Variants in SYT16 observed in about 807,000 individuals in gnomAD.
SYT16 encodes synaptotagmin 16.
SYT16 carries 42 observed loss-of-function variants against 61.4 expected under a neutral mutation model. The ratio of observed to expected loss-of-function variants is 0.68; its 90% CI spans 0.53 to 0.89. The LOEUF is 0.89. Ranked by LOEUF, SYT16 falls within the 40% of genes least tolerant of loss-of-function variation. The probability of loss-of-function intolerance (pLI) is 0.00; values close to 1 mark genes in which losing one functional copy is unlikely to be tolerated. For missense variants in SYT16, 804 were observed against 807.3 expected, an observed-to-expected ratio of 1.00 and a Z score of 0.05; for synonymous variants, 314 against 302.3, an observed-to-expected ratio of 1.04 and a Z score of -0.40.
At position 62,075,377 on chromosome 14, in the gene SYT16, A is replaced by G. The variant is rs1333125140; in HGVS notation, c.979A>G (p.Met327Val). Residue 327 changes from methionine (M) to valine (V), a missense_variant, in exon 5 of 8, where the codon ATG (methionine) becomes GTG (valine). Physicochemically the swap from Met to Val is conservative, Grantham distance 21. Coordinates refer to ENST00000683842, the MANE Select transcript of SYT16 (RefSeq NM_001367656.1). ...EDSYATDSSS[M>V]WSPEEQDRTN... ...TTCCTATGCCACTGACAGCTCCTCC[A>G]TGTGGAGTCCAGAGGCAAGTTATTT... 2 of 1,611,274 alleles carry G rather than the reference A, an allele frequency of 1.2e-6. No homozygotes were observed. Among genetic ancestry groups the G allele is most frequent in the Non-Finnish European group, 1.7e-6 (2 of 1,178,070 alleles).
intron 3 of SYT16, among the ~76,000 whole-genome samples, chr14:62,016,945 T>G (rs1482575271): frequency 6.6e-6 from 1 of 152,202 alleles, no homozygotes; most frequent in East Asian, 1.9e-4. Flanking sequence ...ACTGTGATTT[T>G]CCTGTGCTAG....
Position 62,043,347 on chromosome 14 carries a change from C to T in SYT16, c.524-26256C>T, listed in dbSNP as rs563977486. On this transcript the variant is annotated intron_variant, in intron 3 of 7. Transcript: ENST00000683842. ...CAGGTTGAGAAAGTTATCTTCTATT[C>T]CTAGTTTGTTAAGACTTTCTTTTTT... 6.0e-5 allele frequency among the ~76,000 whole-genome samples: 9 copies of T among 150,998 alleles called. No individual in the cohort carries two copies. In the South Asian group the frequency reaches 1.9e-3, roughly 32 times the overall value.
chr14:62,027,047 C>A (rs552678520), intron 3 of SYT16, among the ~76,000 whole-genome samples: 9 of 152,074 alleles, frequency 5.9e-5, no homozygotes, highest in African/African-American at 1.2e-4. Context: ...GTCTTCATTG[C>A]GAATTTTGTC....
At chr14:62,026,936 T>G (rs188332350) in intron 3 of SYT16, among the ~76,000 whole-genome samples, 1 of 152,318 alleles carries the variant, frequency 6.6e-6, no homozygotes, top group East Asian at 1.9e-4. Flanking sequence ...TTTGCCTGCT[T>G]GATCTTTCAG....
intron 1 of SYT16, among the ~76,000 whole-genome samples, chr14:61,882,696 A>G (rs1476543486): frequency 1.3e-5 from 2 of 152,162 alleles, no homozygotes; most frequent in East Asian, 1.9e-4. Flanking sequence ...CATTAACCCA[A>G]AAGTCCAAGT....
chr14:61,824,634 G>C (rs1046453179), intron 1 of SYT16, among the ~76,000 whole-genome samples: 2 of 152,186 alleles, frequency 1.3e-5, no homozygotes, highest in African/African-American at 4.8e-5. Context: ...TTACAGGCGT[G>C]AGCCACCGTG....
chr14:62,042,227 T>C (rs1285803479), intron 3 of SYT16, among the ~76,000 whole-genome samples: 3 of 152,106 alleles, frequency 2.0e-5, no homozygotes, highest in African/African-American at 4.8e-5. Flanking sequence ...GGTCTTGAAC[T>C]CCTGGCCTCA....
chr14:62,027,461 CT>C (rs1460001037), intron 3 of SYT16, among the ~76,000 whole-genome samples: 2 of 152,174 alleles, frequency 1.3e-5, no homozygotes, highest in African/African-American at 4.8e-5. Context: ...ATAAGCAAAG[CT>C]TTTACATCCA....
Position 61,952,550 on chromosome 14 carries a change from A to G in SYT16, c.-324-17582A>G, listed in dbSNP as rs543635175. On this transcript the variant is annotated intron_variant, in intron 1 of 7. Coordinates refer to ENST00000683842, the MANE Select transcript of SYT16 (RefSeq NM_001367656.1). ...CTGTGTGTGTTAATGCTAAGAATGTACATTTTAAACATGTAAAGCAGATAG... is the reference window on the plus strand; with the variant it reads ...CTGTGTGTGTTAATGCTAAGAATGTGCATTTTAAACATGTAAAGCAGATAG... Among the ~76,000 whole-genome samples, 20 of 152,340 alleles carry G rather than the reference A, an allele frequency of 1.3e-4. No homozygotes were observed. In the South Asian group the frequency reaches 4.1e-3, roughly 32 times the overall value.
intron 2 of SYT16, among the ~76,000 whole-genome samples, chr14:61,985,979 A>G (rs2052290453): frequency 6.6e-6 from 1 of 152,188 alleles, no homozygotes; most frequent in Non-Finnish European, 1.5e-5. Context: ...TTAGAATGTT[A>G]TCTTCAGAGA....
intron 2 of SYT16, among the ~76,000 whole-genome samples, chr14:61,974,096 G>A (rs1315147196): frequency 6.6e-6 from 1 of 152,204 alleles, no homozygotes; most frequent in African/African-American, 2.4e-5. Flanking sequence ...TGGTGCCGGA[G>A]GGAGAGAGAA....
intron 3 of SYT16, among the ~76,000 whole-genome samples, chr14:62,063,346 GA>G (rs2055912791): frequency 1.3e-5 from 2 of 152,216 alleles, no homozygotes; most frequent in Non-Finnish European, 2.9e-5. Context: ...TGCTGATGAA[GA>G]CGATGAATAT....
intron 3 of SYT16, among the ~76,000 whole-genome samples, chr14:62,035,062 A>G (rs991257009): frequency 3.3e-5 from 5 of 152,152 alleles, no homozygotes; most frequent in Admixed American, 2.0e-4. Flanking sequence ...AAGTATTTAC[A>G]TATGTCCTCT....
chr14:61,962,035 C>A (rs963317223), intron 1 of SYT16, among the ~76,000 whole-genome samples: 3 of 152,050 alleles, frequency 2.0e-5, no homozygotes, highest in African/African-American at 7.2e-5. Context: ...CAAATAACGC[C>A]TGTTCTTACT....
chr14:61,943,098 A>C (rs539749479), intron 1 of SYT16, among the ~76,000 whole-genome samples: 49 of 152,316 alleles, frequency 3.2e-4, no homozygotes, highest in Middle Eastern at 3.4e-3. Context: ...AGAATACTAT[A>C]AACACCCCTA....
intron 1 of SYT16, among the ~76,000 whole-genome samples, chr14:61,936,430 A>G (rs1399013419): frequency 1.3e-5 from 2 of 152,024 alleles, no homozygotes; most frequent in African/African-American, 2.4e-5. Context: ...GCATCATTCT[A>G]TCAGCTGGAA....
intron 3 of SYT16, among the ~76,000 whole-genome samples, chr14:62,012,398 C>A (rs994663272): frequency 6.6e-6 from 1 of 152,200 alleles, no homozygotes; most frequent in Non-Finnish European, 1.5e-5. Context: ...GGCTACCTTG[C>A]CACGTAGGCT....
intron 1 of SYT16, among the ~76,000 whole-genome samples, chr14:61,909,724 T>TTA (rs762274892): frequency 1.3e-5 from 2 of 152,204 alleles, no homozygotes; most frequent in Non-Finnish European, 2.9e-5. Flanking sequence ...CCACACTACT[T>TTA]TACTGTAAAA....
At chr14:61,824,761 C>T (rs1393504989) in intron 1 of SYT16, among the ~76,000 whole-genome samples, 2 of 152,140 alleles carry the variant, frequency 1.3e-5, no homozygotes, top group African/African-American at 4.8e-5. Context: ...AGTGTGAACT[C>T]AAGGTAATGG....
Sources: gnomAD v4.1 joint callset for allele counts (sites outside exome capture counted in the v4.1 genomes callset) on GRCh38, gnomAD v4.1.1 for gene constraint, MANE v1.5 for transcripts, NCBI Gene and HGNC (gene_info 2026-07-23, HGNC 2026-07-21) for gene names.